Variants in MYO15A observed in about 807,000 individuals in gnomAD.
The protein encoded by MYO15A is myosin XVA.
In MYO15A, 308 loss-of-function variants were observed where a neutral mutation model predicts 394.6. The ratio of observed to expected loss-of-function variants is 0.78; its 90% CI spans 0.71 to 0.86. The LOEUF (loss-of-function observed/expected upper bound fraction) is 0.86, where lower values mean the gene tolerates loss of function less well. MYO15A is among the 40% of genes least tolerant of loss of function. The pLI, the probability that MYO15A is intolerant of heterozygous loss-of-function variation, is 0.00. For missense variants in MYO15A, 4,606 were observed against 4,799.1 expected (o/e 0.96, Z 1.19); for synonymous variants, 1,957 against 2,003.8 (o/e 0.98, Z 0.62).
rs752488243 is a variant in MYO15A, at chr17:18,142,084, C to T, written c.5655C>T (p.Phe1885=). 1 of 1,612,742 alleles carries T rather than the reference C, an allele frequency of 6.2e-7. No homozygotes were observed. The highest frequency in any genetic ancestry group is 1.1e-5 in the South Asian group (1 of 91,054). Residue 1885 remains phenylalanine (F), a synonymous_variant, in exon 24 of 66, where the codon TTC becomes TTT. Transcript: ENST00000647165. ...NMYRVGVSKL[F]LKEHLYQLLE... ...TGCCTTCCTCCTGTCCTTAGCTGTT[C>T]CTTAAGGAACACCTATACCAGCTGC...
At position 18,120,033 on chromosome 17, in the gene MYO15A, C is replaced by A. The variant is rs2045881529; in HGVS notation, c.1233C>A (p.Tyr411Ter). The change falls in exon 2 of 66, where the codon TAC becomes TAA. Residue 411 changes from tyrosine to a stop codon, truncating the protein, a stop_gained. Transcript: ENST00000647165. LOFTEE classifies it high-confidence loss of function. ...AGGAGTCGGCTTCGGCCTTTGTGTA[C>A]CCCTGGGTACCACCGCCCATCCCGT... is the stretch of plus-strand genomic sequence containing the variant. The part of the protein sequence containing the change: ...YPEESASAFV[Y>*]PWVPPPIPSP... 6.2e-7 allele frequency: 1 copy of A among 1,613,484 alleles called. No individual in the cohort carries two copies. The highest frequency in any genetic ancestry group is 8.5e-7 in the Non-Finnish European group (1 of 1,180,018).
intron 57 of MYO15A, 48 bp downstream of exon 57, chr17:18,161,495 G>C (rs200922077): frequency 1.2e-5 from 20 of 1,608,352 alleles, no homozygotes; most frequent in Non-Finnish European, 1.6e-5. Context: ...TTCTCCCTTG[G>C]GGACTGGGTG....
At chr17:18,141,267 C>A in intron 22 of MYO15A, 124 bp downstream of exon 22, 1 of 1,402,754 alleles carries the variant, frequency 7.1e-7, no homozygotes. Context: ...GTACACTTCA[C>A]AAGGCTACCA....
chr17:18,110,812 A>G (rs1298711026), intron 1 of MYO15A, among the ~76,000 whole-genome samples: 1 of 152,172 alleles, frequency 6.6e-6, no homozygotes, highest in African/African-American at 2.4e-5. Flanking sequence ...ACTCTGCTCC[A>G]GCCATAGGAC....
Position 18,147,923 on chromosome 17 carries a change from GCC to G in MYO15A, c.6510-105_6510-104del, listed in dbSNP as rs1317826192. 1 of 1,405,766 alleles carries G rather than the reference GCC, an allele frequency of 7.1e-7. No individual in the cohort carries two copies. Among genetic ancestry groups the G allele is most frequent in the African/African-American group, 1.4e-5 (1 of 70,692 alleles). 87.1% of individuals were successfully genotyped at this position (1,405,766 alleles called of 1,614,324 possible). A position where few individuals can be genotyped will look rare whatever the true frequency, so the allele number is the denominator to read the frequency against. On this transcript the variant is annotated intron_variant, in intron 30 of 65. Transcript: ENST00000647165. This position sits in a 1 kb window ranked among gnomAD's most constrained non-coding sequence, Gnocchi z 4.4. ...ACCTTGGAGCTCTGGAGTAGCCTGG[GCC>G]TTTCTCAGACTAGCCTCAGAATTTC... is the stretch of plus-strand genomic sequence containing the variant.
chr17:18,163,140 C>T, intron 58 of MYO15A, 104 bp from the exon 59 acceptor site: 1 of 1,261,906 alleles, frequency 7.9e-7, no homozygotes, highest in Non-Finnish European at 1.2e-6. Context: ...CCTACACGTG[C>T]CAGCCCAGGA....
At chr17:18,151,011 C>A (rs1184306173) in intron 38 of MYO15A, 98 bp downstream of exon 38, 1 of 1,605,822 alleles carries the variant, frequency 6.2e-7, no homozygotes, top group Non-Finnish European at 8.5e-7. Flanking sequence ...CCTCTTTGAG[C>A]CCAGGAGCTC....
rs181232273 is a variant in MYO15A at position 18,127,534 on chromosome 17, T to C, written c.4032+369T>C. On this transcript the variant is annotated intron_variant, in intron 7 of 65. Transcript: ENST00000647165. ...ACCATATTCTCACACCCAGAAGCTA[T>C]GCAGCCCCCAGCGGTCAAGAGGCAG... is the stretch of plus-strand genomic sequence containing the variant. 3.3e-5 allele frequency among the ~76,000 whole-genome samples: 5 copies of C among 152,210 alleles called. No homozygotes were observed. The East Asian group carries it at 9.7e-4, about 29-fold the overall frequency.
At chr17:18,140,720 T>C in intron 20 of MYO15A, 55 bp downstream of exon 20, 1 of 1,614,096 alleles carries the variant, frequency 6.2e-7, no homozygotes, top group Non-Finnish European at 8.5e-7. Flanking sequence ...ACCCACCTCA[T>C]GACCCTCAGA....
At chr17:18,158,466 G>A in intron 51 of MYO15A, 57 bp from the exon 52 acceptor site, 8 of 1,511,378 alleles carry the variant, frequency 5.3e-6, no homozygotes, top group Non-Finnish European at 7.4e-6. Context: ...AGTTTTGACC[G>A]AAGGGCTAGG....
Position 18,174,038 on chromosome 17 carries a change from G to A in MYO15A, c.10491+117G>A, listed in dbSNP as rs1476158379. ...AGTATCCAGGCCAGTGCATGGGACA[G>A]AACCAACCACAGCACAGCACGGAAC... On this transcript the variant is annotated intron_variant, in intron 65 of 65. Coordinates refer to ENST00000647165, the MANE Select transcript of MYO15A (RefSeq NM_016239.4). The A allele has an allele frequency of 7.9e-6, 11 of 1,397,118 alleles. No individual in the cohort carries two copies. In the African/African-American group the frequency reaches 1.6e-4, roughly 20 times the overall value. 86.5% of individuals were successfully genotyped at this position (1,397,118 alleles called of 1,614,324 possible).
Position 18,171,624 on chromosome 17 carries a change from T to C in MYO15A, c.10083-14T>C, listed in dbSNP as rs1368391573. On this transcript the variant is annotated splice_polypyrimidine_tract_variant and intron_variant, in intron 62 of 65. Coordinates refer to ENST00000647165, the MANE Select transcript of MYO15A (RefSeq NM_016239.4). ...AGCTCACTCAGGACCTTTTTCCCCT[T>C]CCTCCGTACACAGGCGGGAAGTCCA... 5 of 1,613,792 alleles carry C rather than the reference T, an allele frequency of 3.1e-6. No individual in the cohort carries two copies. Among genetic ancestry groups the C allele is most frequent in the Non-Finnish European group, 4.2e-6 (5 of 1,180,036 alleles).
chr17:18,118,556 CCA>C (rs958818292), intron 1 of MYO15A, 24 bp from the exon 2 acceptor site: 2 of 576,650 alleles, frequency 3.5e-6, no homozygotes, highest in Non-Finnish European at 6.1e-6. Context: ...TAAACAACAC[CCA>C]CACACTTTCT....
intron 64 of MYO15A, 45 bp from the exon 65 acceptor site, chr17:18,173,736 A>G (rs1223683700): frequency 6.2e-7 from 1 of 1,613,334 alleles, no homozygotes; most frequent in Non-Finnish European, 8.5e-7. Flanking sequence ...GGTTGAGACT[A>G]TCCTCGCCCA....
rs1567663565 is a variant in MYO15A, at chr17:18,166,442, T to A, written c.9869T>A (p.Met3290Lys). The A allele has an allele frequency of 8.1e-6, 13 of 1,614,110 alleles. No individual in the cohort carries two copies. The highest frequency in any genetic ancestry group is 1.0e-5 in the Non-Finnish European group (12 of 1,180,026). ...SEMEQVDGGY[M>K]LWFRRVLWDQ... ...ATGGAGCAGGTGGACGGCGGCTACA[T>A]GCTCTGGTTCCGGCGTGTGCTCTGG... The change falls in exon 61 of 66, where the codon ATG (methionine) becomes AAG (lysine). Residue 3290 changes from methionine (M) to lysine (K), a missense_variant. This residue lies in a region of MYO15A where 2,776 missense variants were observed against 3,109.3 expected (regional missense o/e 0.89). Transcript: ENST00000647165.
Position 18,153,800 on chromosome 17 carries a change from C to T in MYO15A, c.7992C>T (p.Pro2664=). Residue 2664 remains proline, a synonymous_variant, in exon 43 of 66, where the codon CCC becomes CCT. Coordinates refer to ENST00000647165, the MANE Select transcript of MYO15A (RefSeq NM_016239.4). The surrounding 1 kb of genome is among the most constrained non-coding windows in gnomAD (Gnocchi z 4.1). The part of the protein sequence containing the change: ...TSALPSRSLE[P]PEELTQTRLH... ...CTCTGCCCTCGCGATCGCTGGAGCC[C>T]CCTGAGGAACTCACGCAGACGCGGC... 6.2e-7 allele frequency: 1 copy of T among 1,613,780 alleles called. No homozygotes were observed. The highest frequency in any genetic ancestry group is 1.7e-5 in the Admixed American group (1 of 60,024).
intron 57 of MYO15A, 97 bp from the exon 58 acceptor site, chr17:18,162,488 G>C: frequency 2.8e-6 from 3 of 1,076,244 alleles, no homozygotes; most frequent in Non-Finnish European, 2.8e-6. Context: ...ACAGCTTGTG[G>C]AGAGAATGCA....
At position 18,178,793 on chromosome 17, in the gene MYO15A, G is replaced by A. The variant is rs1192004539; in HGVS notation, c.10516G>A (p.Ala3506Thr). Residue 3506 changes from alanine to threonine, a missense_variant, in exon 66 of 66, where the codon GCC becomes ACC. By Grantham distance (58) the Ala-to-Thr change is moderately conservative. Around this residue, in one of 2 missense-constraint regions of MYO15A, gnomAD observed 2,776 missense variants for 3,109.3 expected, o/e 0.89. Coordinates refer to ENST00000647165, the MANE Select transcript of MYO15A (RefSeq NM_016239.4). ...GGGACTGGAACTGTGTCGTGTGGTG[G>A]CCGTGCACGTGGAGAACCTGCTCAG... ...EQGLELCRVV[A>T]VHVENLLSAH... 3 of 1,613,882 alleles carry A rather than the reference G, an allele frequency of 1.9e-6. No homozygotes were observed. Among genetic ancestry groups the A allele is most frequent in the Non-Finnish European group, 2.5e-6 (3 of 1,180,036 alleles).
At chr17:18,136,377 G>A in intron 13 of MYO15A, 40 bp from the exon 14 acceptor site, 1 of 1,612,298 alleles carries the variant, frequency 6.2e-7, no homozygotes, top group Non-Finnish European at 8.5e-7. Flanking sequence ...GAGGCAGAGT[G>A]GCCAGCCTGA....
Sources: allele counts gnomAD v4.1 joint callset (sites outside exome capture counted in the v4.1 genomes callset), GRCh38; gene constraint gnomAD v4.1.1; regional missense constraint gnomAD v4.1.1; non-coding constraint Gnocchi (gnomAD v3.1); transcripts MANE v1.5; gene names NCBI Gene and HGNC (gene_info 2026-07-23, HGNC 2026-07-21).